Variants in RBPMS observed in about 807,000 individuals in gnomAD.
RBPMS encodes the protein RNA-binding protein with multiple splicing.
In RBPMS, 7 loss-of-function variants were observed where a neutral mutation model predicts 26.8. That is an observed-to-expected ratio of 0.26 (90% CI 0.15 to 0.49). The LOEUF (loss-of-function observed/expected upper bound fraction) is 0.49. RBPMS is among the 20% of genes least tolerant of loss of function. RBPMS has a pLI of 0.98. For missense variants in RBPMS, 186 were observed against 250.0 expected (o/e 0.74, Z 1.73); for synonymous variants, 96 against 93.3 (o/e 1.03, Z -0.17).
At chr8:30,539,550 G>A (rs1407613449) in intron 5 of RBPMS, among the ~76,000 whole-genome samples, 1 of 151,644 alleles carries the variant, frequency 6.6e-6, no homozygotes, top group Non-Finnish European at 1.5e-5. Context: ...CAGGATGGAA[G>A]TATATTTTTT....
At chr8:30,557,863 T>G (rs1827093375) in intron 6 of RBPMS, among the ~76,000 whole-genome samples, 1 of 152,130 alleles carries the variant, frequency 6.6e-6, no homozygotes, top group Non-Finnish European at 1.5e-5. Flanking sequence ...TTTGGGTGTT[T>G]TTTGTTTTGT....
intron 1 of RBPMS, among the ~76,000 whole-genome samples, chr8:30,436,911 C>T (rs1812515588): frequency 6.7e-6 from 1 of 149,740 alleles, no homozygotes; most frequent in South Asian, 2.1e-4. Context: ...ACTCCCTTGT[C>T]GTGATATATG....
At position 30,549,095 on chromosome 8, in the gene RBPMS, C is replaced by T. The variant is rs559618372; in HGVS notation, c.528+4471C>T. 9.2e-5 allele frequency among the ~76,000 whole-genome samples: 14 copies of T among 152,302 alleles called. No homozygotes were observed. The East Asian group carries it at 2.5e-3, about 27-fold the overall frequency. Reference sequence around the variant, plus strand: ...GGACTCTGATGGTTTTGGCTTCCACCTCCTGTACGGTGGCCAGTGCTGTGA... The same window carrying T: ...GGACTCTGATGGTTTTGGCTTCCACTTCCTGTACGGTGGCCAGTGCTGTGA... On this transcript the variant is annotated intron_variant, in intron 6 of 8. Transcript: ENST00000397323.
At chr8:30,556,096 G>A in intron 6 of RBPMS, 2 of 985,388 alleles carry the variant, frequency 2.0e-6, no homozygotes, top group South Asian at 4.7e-5. Context: ...TGTGGATGCG[G>A]TGAGAAGAGC....
intron 6 of RBPMS, chr8:30,547,346 C>A (rs1251817025): frequency 6.2e-7 from 1 of 1,613,798 alleles, no homozygotes; most frequent in African/African-American, 1.3e-5. Flanking sequence ...ACTTCTCCAG[C>A]AAATTAGATT....
chr8:30,430,134 G>C (rs186045295), intron 1 of RBPMS, among the ~76,000 whole-genome samples: 52 of 152,258 alleles, frequency 3.4e-4, no homozygotes, highest in Middle Eastern at 3.4e-3. Flanking sequence ...AAATTAGCTA[G>C]GCATGATGGC....
chr8:30,445,649 G>GAGATATATATATATATATATATATATAT (rs1198019611), intron 1 of RBPMS, among the ~76,000 whole-genome samples: 1 of 107,344 alleles, frequency 9.3e-6, no homozygotes. Flanking sequence ...TATACACACG[G>GAGATATATATATATATATATATATATAT]ATATATATAT....
chr8:30,527,891 A>G (rs1201779671), intron 5 of RBPMS, among the ~76,000 whole-genome samples: 1 of 152,180 alleles, frequency 6.6e-6, no homozygotes, highest in Non-Finnish European at 1.5e-5. Flanking sequence ...TAGGTTTAAA[A>G]TGGGCCAGGC....
chr8:30,432,701 G>C (rs1408090426), intron 1 of RBPMS, among the ~76,000 whole-genome samples: 3 of 152,180 alleles, frequency 2.0e-5, no homozygotes, highest in African/African-American at 7.2e-5. Context: ...GTAATAGCTG[G>C]TGTAATGAAA....
chr8:30,549,617 C>T, intron 6 of RBPMS: 1 of 1,556,034 alleles, frequency 6.4e-7, no homozygotes, highest in Non-Finnish European at 8.9e-7. Flanking sequence ...TGGCTTAGCT[C>T]TCACAGGAGG....
At chr8:30,566,842 C>A (rs528563970) in intron 8 of RBPMS, among the ~76,000 whole-genome samples, 9 of 152,236 alleles carry the variant, frequency 5.9e-5, no homozygotes, top group Admixed American at 2.0e-4. Context: ...AGGATAATTA[C>A]CCTGGAGCAT....
chr8:30,534,534 G>A (rs888533844), intron 5 of RBPMS, among the ~76,000 whole-genome samples: 4 of 152,232 alleles, frequency 2.6e-5, no homozygotes, highest in African/African-American at 9.6e-5. Flanking sequence ...CAGCATAGAT[G>A]GGGAACCAGA....
chr8:30,472,454 TTGGTGGTGATAGATTGTCTTGGTTGTGA>T (rs1185421996), intron 1 of RBPMS, among the ~76,000 whole-genome samples: 14 of 152,240 alleles, frequency 9.2e-5, no homozygotes, highest in African/African-American at 1.4e-4. Context: ...GAATAAACTT[TTGGTGGTGATAGATTGTCTTGGTTGTGA>T]TGGTGGTGAT....
chr8:30,464,354 GC>G (rs1350593853), intron 1 of RBPMS, among the ~76,000 whole-genome samples: 1 of 152,094 alleles, frequency 6.6e-6, no homozygotes, highest in East Asian at 1.9e-4. Flanking sequence ...AACTGACCTG[GC>G]ACCAAGGAAT....
At chr8:30,443,306 A>C (rs1318709964) in intron 1 of RBPMS, among the ~76,000 whole-genome samples, 1 of 152,206 alleles carries the variant, frequency 6.6e-6, no homozygotes, top group Non-Finnish European at 1.5e-5. Flanking sequence ...TGTTTTTGGT[A>C]ATTATGGCTA....
At chr8:30,549,647 AG>A in intron 6 of RBPMS, 4 of 1,289,820 alleles carry the variant, frequency 3.1e-6, no homozygotes, top group Non-Finnish European at 4.5e-6. Context: ...CGGGGAGGCC[AG>A]GCCTCATGCT....
At chr8:30,505,315 T>C (rs1167106680) in intron 5 of RBPMS, among the ~76,000 whole-genome samples, 2 of 152,216 alleles carry the variant, frequency 1.3e-5, no homozygotes, top group Non-Finnish European at 2.9e-5. Flanking sequence ...AACCACACGG[T>C]TGTGATCTTC....
At chr8:30,506,605 T>C (rs1003493160) in intron 5 of RBPMS, among the ~76,000 whole-genome samples, 5 of 152,164 alleles carry the variant, frequency 3.3e-5, no homozygotes, top group Admixed American at 2.0e-4. Flanking sequence ...CCCACTTGCA[T>C]TGTACTCAGA....
At chr8:30,412,004 AAAAC>A (rs1809500664) in intron 1 of RBPMS, among the ~76,000 whole-genome samples, 1 of 152,066 alleles carries the variant, frequency 6.6e-6, no homozygotes, top group Non-Finnish European at 1.5e-5. Context: ...AAAAAAAACA[AAAAC>A]AAAAACAGAA....
Sources: gnomAD v4.1 joint callset for allele counts (sites outside exome capture counted in the v4.1 genomes callset) on GRCh38, gnomAD v4.1.1 for gene constraint, MANE v1.5 for transcripts, NCBI Gene and HGNC (gene_info 2026-07-23, HGNC 2026-07-21) for gene names.